The following CAMK2D variants were observed in gnomAD, a reference collection of about 807,000 sequenced individuals.
CAMK2D encodes the protein calcium/calmodulin dependent protein kinase II delta.
CAMK2D carries 37 observed loss-of-function variants against 84.0 expected under a neutral mutation model. That is an observed-to-expected ratio of 0.44 (90% confidence interval 0.34 to 0.58). The LOEUF is 0.58. Ranked by LOEUF, CAMK2D falls within the 20% of genes least tolerant of loss-of-function variation. The pLI is 0.02. For missense variants in CAMK2D, 448 were observed against 652.5 expected (o/e 0.69, Z 3.41); for synonymous variants, 202 against 212.5 (o/e 0.95, Z 0.43).
At chr4:113,588,718 C>G (rs894550752) in intron 4 of CAMK2D, among the ~76,000 whole-genome samples, 8 of 152,246 alleles carry the variant, frequency 5.3e-5, no homozygotes, top group Non-Finnish European at 1.0e-4. Context: ...CTCATGTGCT[C>G]TTCTGCAAAA....
intron 2 of CAMK2D, among the ~76,000 whole-genome samples, chr4:113,701,242 T>C (rs2099416608): frequency 1.3e-5 from 2 of 152,220 alleles, no homozygotes; most frequent in African/African-American, 4.8e-5. Flanking sequence ...CTGTGGGCTA[T>C]TCAGGTCATT....
intron 2 of CAMK2D, among the ~76,000 whole-genome samples, chr4:113,723,621 A>G (rs555023413): frequency 6.6e-6 from 1 of 152,256 alleles, no homozygotes; most frequent in Non-Finnish European, 1.5e-5. Context: ...CTAACTGGCC[A>G]GTGTTGAAAA....
intron 2 of CAMK2D, among the ~76,000 whole-genome samples, chr4:113,739,443 A>G (rs1481551221): frequency 2.0e-5 from 3 of 152,168 alleles, no homozygotes; most frequent in Non-Finnish European, 4.4e-5. Flanking sequence ...GGCACTTGCC[A>G]ACAAAAAAGG....
intron 2 of CAMK2D, among the ~76,000 whole-genome samples, chr4:113,735,467 C>CCT (rs75259360): frequency 0.34 from 52,118 of 151,566 alleles, 12,599 homozygotes; most frequent in African/African-American, 0.69. Flanking sequence ...AGAGTGAGAC[C>CCT]GTCTCAAAAA....
chr4:113,710,052 G>C (rs1459143678), intron 2 of CAMK2D, among the ~76,000 whole-genome samples: 1 of 151,670 alleles, frequency 6.6e-6, no homozygotes, highest in Non-Finnish European at 1.5e-5. Context: ...ATCGCTCTGG[G>C]TTCACCAGAA....
chr4:113,509,064 T>A lies in CAMK2D; in HGVS notation c.984+574A>T, dbSNP rs574082056. Among the ~76,000 whole-genome samples, 8 of 152,220 alleles carry A rather than the reference T, an allele frequency of 5.3e-5. No homozygotes were observed. In the South Asian group the frequency reaches 1.0e-3, roughly 20 times the overall value. On this transcript the variant is annotated intron_variant, in intron 13 of 20. Coordinates refer to ENST00000511664, the MANE Select transcript of CAMK2D (RefSeq NM_001321571.2). The stretch of plus-strand genomic sequence containing the variant: ...TGTTTAGAAAGCCAGAAAGTAAAAA[T>A]ATCCTGCTGTTATTTTTCTTGCAAG...
At chr4:113,687,822 C>T (rs1253461503) in intron 2 of CAMK2D, among the ~76,000 whole-genome samples, 1 of 152,154 alleles carries the variant, frequency 6.6e-6, no homozygotes, top group Admixed American at 6.5e-5. Flanking sequence ...TCATCAGGCA[C>T]CCTACCTGTT....
chr4:113,646,997 T>C (rs2099154667), intron 3 of CAMK2D, among the ~76,000 whole-genome samples: 2 of 152,264 alleles, frequency 1.3e-5, no homozygotes, highest in South Asian at 4.1e-4. Flanking sequence ...AAAAACCTCA[T>C]GATAGCCTTA....
chr4:113,620,347 A>T (rs1369320145), intron 3 of CAMK2D, among the ~76,000 whole-genome samples: 1 of 152,164 alleles, frequency 6.6e-6, no homozygotes, highest in African/African-American at 2.4e-5. Context: ...GGCAGTTTGC[A>T]AATATTATGA....
intron 4 of CAMK2D, among the ~76,000 whole-genome samples, chr4:113,565,701 C>T (rs550326315): frequency 2.9e-4 from 43 of 150,710 alleles, no homozygotes; most frequent in South Asian, 4.2e-4. Context: ...ATTGAACACA[C>T]GTGTGCAAGA....
At chr4:113,654,565 G>A (rs546413272) in intron 3 of CAMK2D, among the ~76,000 whole-genome samples, 1 of 151,932 alleles carries the variant, frequency 6.6e-6, no homozygotes, top group South Asian at 2.1e-4. Context: ...GGGAGGAATC[G>A]ATTTGAACCA....
intron 2 of CAMK2D, among the ~76,000 whole-genome samples, chr4:113,668,742 C>T (rs2099267597): frequency 1.3e-5 from 2 of 152,000 alleles, no homozygotes; most frequent in Non-Finnish European, 2.9e-5. Flanking sequence ...CAAAAACTCA[C>T]AATTATTCAG....
At chr4:113,556,501 G>A (rs182138635) in intron 4 of CAMK2D, among the ~76,000 whole-genome samples, 1 of 152,296 alleles carries the variant, frequency 6.6e-6, no homozygotes, top group African/African-American at 2.4e-5. Flanking sequence ...TGGTCAGTGT[G>A]AAGCTGATCA....
intron 13 of CAMK2D, 76 bp downstream of exon 13, chr4:113,509,561 AG>A: frequency 1.1e-6 from 1 of 938,122 alleles, no homozygotes; most frequent in Non-Finnish European, 1.7e-6. Context: ...GCAAAGACTT[AG>A]GAATTATATA....
intron 3 of CAMK2D, among the ~76,000 whole-genome samples, chr4:113,641,748 C>G (rs191448226): frequency 6.6e-6 from 1 of 152,186 alleles, no homozygotes; most frequent in Non-Finnish European, 1.5e-5. Context: ...TGGCTCATGC[C>G]TGTAATCCCA....
chr4:113,668,398 A>C (rs2099265912), intron 2 of CAMK2D, among the ~76,000 whole-genome samples: 1 of 152,186 alleles, frequency 6.6e-6, no homozygotes. Context: ...TGACCTTTCC[A>C]AAGCTCCTTC....
At chr4:113,689,276 C>A (rs1267578675) in intron 2 of CAMK2D, among the ~76,000 whole-genome samples, 2 of 152,072 alleles carry the variant, frequency 1.3e-5, no homozygotes, top group East Asian at 1.9e-4. Flanking sequence ...TAAATTAGAA[C>A]AAAAAAGAAG....
At chr4:113,577,121 G>C (rs1386485608) in intron 4 of CAMK2D, among the ~76,000 whole-genome samples, 1 of 152,138 alleles carries the variant, frequency 6.6e-6, no homozygotes, top group Admixed American at 6.5e-5. Flanking sequence ...TTACTTTGGG[G>C]TTTTGGTTTT....
intron 2 of CAMK2D, among the ~76,000 whole-genome samples, chr4:113,744,419 AC>A (rs1461532914): frequency 6.6e-6 from 1 of 151,856 alleles, no homozygotes; most frequent in African/African-American, 2.4e-5. Context: ...ATTACTAGCC[AC>A]CCCTCCTTTG....
Sources: allele counts gnomAD v4.1 joint callset (sites outside exome capture counted in the v4.1 genomes callset), GRCh38; gene constraint gnomAD v4.1.1; transcripts MANE v1.5; gene names NCBI Gene and HGNC (gene_info 2026-07-23, HGNC 2026-07-21).